Variants in TRIO observed in about 807,000 individuals in gnomAD.
The protein encoded by TRIO is triple functional domain protein.
Under a neutral mutation model 351.9 loss-of-function variants are expected in TRIO, and 58 were observed. The observed-to-expected ratio is 0.16, with a 90% CI of 0.13 to 0.21. The LOEUF (loss-of-function observed/expected upper bound fraction) is 0.21, where lower values mean the gene tolerates loss of function less well. Ranked by LOEUF, TRIO falls within the 10% of genes least tolerant of loss-of-function variation. TRIO has a pLI of 1.00. For missense variants in TRIO, 3,201 were observed against 4,027.8 expected (o/e 0.79, Z 5.56); for synonymous variants, 1,758 against 1,595.7 (o/e 1.10, Z -2.42).
chr5:14,415,419 T>C (rs1000798347), intron 33 of TRIO, among the ~76,000 whole-genome samples: 1 of 152,132 alleles, frequency 6.6e-6, no homozygotes, highest in African/African-American at 2.4e-5. Context: ...GAGCCATATG[T>C]TCTTGAGCCA....
At chr5:14,191,143 T>C (rs1198118630) in intron 1 of TRIO, among the ~76,000 whole-genome samples, 3 of 152,234 alleles carry the variant, frequency 2.0e-5, no homozygotes, top group African/African-American at 7.2e-5. Flanking sequence ...TGGCTGGGTC[T>C]GGTTCCTACC....
At chr5:14,224,513 CT>C (rs1220836373) in intron 1 of TRIO, among the ~76,000 whole-genome samples, 1 of 151,884 alleles carries the variant, frequency 6.6e-6, no homozygotes, top group Non-Finnish European at 1.5e-5. Flanking sequence ...ATCTTAGACA[CT>C]TACTTTGTAT....
chr5:14,342,641 C>CA (rs749588789), intron 11 of TRIO, among the ~76,000 whole-genome samples: 1 of 152,230 alleles, frequency 6.6e-6, no homozygotes, highest in African/African-American at 2.4e-5. Flanking sequence ...ATCTCTTGTG[C>CA]AAAGTTGTCT....
In TRIO at chr5:14,498,202, C is replaced by G. The variant is rs770557515; in HGVS notation, c.8161C>G (p.Pro2721Ala). 6.2e-7 allele frequency: 1 copy of G among 1,614,186 alleles called. No individual in the cohort carries two copies. The highest frequency in any genetic ancestry group is 1.1e-5 in the South Asian group (1 of 91,084). Residue 2721 changes from proline to alanine, a missense_variant, in exon 52 of 57, where the codon CCT becomes GCT. Around this residue, in one of 19 missense-constraint regions of TRIO, gnomAD observed 1,089 missense variants for 954.9 expected, o/e 1.14. Transcript: ENST00000344204. ...RPKASITWKG[P>A]EHNTLNNDGH... is the part of the protein sequence containing the mutation. ...CAAAGCCTCAATTACCTGGAAGGGC[C>G]CTGAACACAACACCTTGAACAACGA...
chr5:14,281,906 A>G (rs1736038772), intron 3 of TRIO, among the ~76,000 whole-genome samples: 1 of 152,208 alleles, frequency 6.6e-6, no homozygotes, highest in South Asian at 2.1e-4. Flanking sequence ...TGGTAAAGGT[A>G]ATAGATCTAC....
intron 5 of TRIO, 137 bp from the exon 6 acceptor site, chr5:14,292,875 C>A: frequency 8.0e-7 from 1 of 1,257,164 alleles, no homozygotes; most frequent in Non-Finnish European, 1.1e-6. Context: ...AGTAAAGACT[C>A]TTCTGAGAGA....
chr5:14,503,229 C>T (rs1268982334), intron 54 of TRIO, among the ~76,000 whole-genome samples: 1 of 152,228 alleles, frequency 6.6e-6, no homozygotes, highest in African/African-American at 2.4e-5. Flanking sequence ...GCAGGAAGAG[C>T]AAGGTCAGAG....
intron 1 of TRIO, among the ~76,000 whole-genome samples, chr5:14,224,175 T>A (rs1395614605): frequency 6.6e-6 from 1 of 152,070 alleles, no homozygotes; most frequent in African/African-American, 2.4e-5. Flanking sequence ...ACATTATTAT[T>A]ATATTATTAT....
chr5:14,471,534 T>C (rs942022349), intron 38 of TRIO, 68 bp downstream of exon 38: 2 of 1,589,872 alleles, frequency 1.3e-6, no homozygotes, highest in Non-Finnish European at 1.7e-6. Context: ...CCTTCAAAAA[T>C]GTGACTGAGA....
rs1757379793 is a variant in TRIO, at chr5:14,502,664, T to C, written c.8411+7T>C. On this transcript the variant is annotated splice_region_variant and intron_variant, in intron 54 of 56. Transcript: ENST00000344204. Reference sequence around the variant, plus strand: ...AAGTGGCTGAGCTTGGCAGGTATGATGCACAACCCAGAACGCCTTCCGAAA... The same window carrying C: ...AAGTGGCTGAGCTTGGCAGGTATGACGCACAACCCAGAACGCCTTCCGAAA... The C allele has an allele frequency of 6.2e-7, 1 of 1,614,012 alleles. No individual in the cohort carries two copies. Among genetic ancestry groups the C allele is most frequent in the Non-Finnish European group, 8.5e-7 (1 of 1,180,012 alleles).
chr5:14,440,240 C>T (rs575709611), intron 34 of TRIO, among the ~76,000 whole-genome samples: 18 of 152,294 alleles, frequency 1.2e-4, no homozygotes, highest in South Asian at 2.1e-4. Flanking sequence ...GTAAGCAGCT[C>T]AGAGCCACAC....
In TRIO at chr5:14,170,689, C is replaced by T. The variant is rs192135843; in HGVS notation, c.157+26807C>T. ...GCCTGGCTAATTTTTGTACTTTAGT[C>T]GAGACGGGGTTTCACCATGTTGGCC... is the stretch of plus-strand genomic sequence containing the variant. On this transcript the variant is annotated intron_variant, in intron 1 of 56. Coordinates refer to ENST00000344204, the MANE Select transcript of TRIO (RefSeq NM_007118.4). Among the ~76,000 whole-genome samples the T allele has an allele frequency of 4.1e-3, 617 of 151,926 alleles. 4 individuals carry two copies. Among genetic ancestry groups the T allele is most frequent in the Middle Eastern group, 6.8e-3 (2 of 294 alleles).
chr5:14,319,526 C>T (rs559329741), intron 9 of TRIO, among the ~76,000 whole-genome samples: 1 of 152,278 alleles, frequency 6.6e-6, no homozygotes, highest in East Asian at 1.9e-4. Context: ...AAGGACGTTA[C>T]CAGCAGAAGA....
rs965637658 is a variant in TRIO at position 14,364,874 on chromosome 5, G to A, written c.2754+58G>A. The A allele has an allele frequency of 4.6e-6, 7 of 1,530,482 alleles. No individual in the cohort carries two copies. In the East Asian group the frequency reaches 1.2e-4, roughly 25 times the overall value. The allele number at this position is 1,530,482 out of a possible 1,614,324, so 94.8% of individuals were successfully genotyped here. On this transcript the variant is annotated intron_variant, in intron 15 of 56. Transcript: ENST00000344204. The stretch of plus-strand genomic sequence containing the variant: ...CGCTACAGATGCTTGATACCTCATC[G>A]ACTTCCCGGAAATTCTGACCTGTAG...
chr5:14,452,065 A>G (rs1490715141), intron 34 of TRIO, among the ~76,000 whole-genome samples: 1 of 152,230 alleles, frequency 6.6e-6, no homozygotes, highest in East Asian at 1.9e-4. Flanking sequence ...CCTGGCTGTC[A>G]ATCGGCAGCA....
intron 11 of TRIO, 22 bp from the exon 12 acceptor site, chr5:14,358,156 A>AC (rs149985899): frequency 1.2e-6 from 2 of 1,603,012 alleles, no homozygotes; most frequent in African/African-American, 1.3e-5. Context: ...GGCCGGCCTC[A>AC]CCCCCCTCTC....
At chr5:14,465,911 AG>A (rs1754220959) in intron 37 of TRIO, 3 of 389,348 alleles carry the variant, frequency 7.7e-6, no homozygotes, top group Non-Finnish European at 1.4e-5. Context: ...GGCAGGTCTC[AG>A]GGAGTGCCTG....
At chr5:14,464,310 A>C (rs1394734247) in intron 36 of TRIO, among the ~76,000 whole-genome samples, 1 of 152,208 alleles carries the variant, frequency 6.6e-6, no homozygotes, top group Non-Finnish European at 1.5e-5. Context: ...CTCACCCATA[A>C]GGGAGGATTT....
At chr5:14,470,051 G>A (rs560961005) in intron 37 of TRIO, among the ~76,000 whole-genome samples, 11 of 152,304 alleles carry the variant, frequency 7.2e-5, no homozygotes, top group African/African-American at 2.6e-4. Flanking sequence ...ACAGCAAAAT[G>A]TTTGCTTCCA....
Sources: gnomAD v4.1 joint callset for allele counts (sites outside exome capture counted in the v4.1 genomes callset) on GRCh38, gnomAD v4.1.1 for gene constraint, gnomAD v4.1.1 regional missense constraint, MANE v1.5 for transcripts, NCBI Gene and HGNC (gene_info 2026-07-23, HGNC 2026-07-21) for gene names.